Variants in NDUFA8 observed in about 807,000 individuals in gnomAD.
The protein encoded by NDUFA8 is NADH:ubiquinone oxidoreductase subunit A8, also known as NADH dehydrogenase [ubiquinone] 1 alpha subcomplex subunit 8.
In NDUFA8, 16 loss-of-function variants were observed where a neutral mutation model predicts 20.9. The observed-to-expected ratio is 0.77, with a 90% confidence interval of 0.52 to 1.16. The LOEUF (loss-of-function observed/expected upper bound fraction) is 1.16. Among genes scored for constraint, NDUFA8 ranks in the 50% most tolerant of loss-of-function variants. NDUFA8 has a pLI of 0.00. For missense variants in NDUFA8, 202 were observed against 216.4 expected, an observed-to-expected ratio of 0.93 and a Z score of 0.42; for synonymous variants, 70 against 76.1, an observed-to-expected ratio of 0.92 and a Z score of 0.41.
At position 122,144,062 on chromosome 9, in the gene NDUFA8, C is replaced by G; in HGVS notation, c.*179G>C. 1.4e-6 allele frequency: 2 copies of G among 1,460,310 alleles called. No individual in the cohort carries two copies. The highest frequency in any genetic ancestry group is 2.9e-5 in the South Asian group (2 of 69,932). 90.5% of individuals were successfully genotyped at this position (1,460,310 alleles called of 1,614,324 possible). A position where few individuals can be genotyped will look rare whatever the true frequency, so the allele number is the denominator to read the frequency against. On this transcript the variant is annotated 3_prime_UTR_variant, in exon 4 of 4. Transcript: ENST00000373768. ...AAACATAATAAAATACAACCGTTTCCTTTAAAAATTTTAATGGACAGGAAA... is the reference window on the plus strand; with the variant it reads ...AAACATAATAAAATACAACCGTTTCGTTTAAAAATTTTAATGGACAGGAAA...
chr9:122,152,145 TG>T (rs1829009302), intron 2 of NDUFA8, 99 bp downstream of exon 2: 1 of 1,349,114 alleles, frequency 7.4e-7, no homozygotes, highest in Admixed American at 1.7e-5. Context: ...TCAAAGCCTA[TG>T]TACTTCCTAA....
Position 122,144,149 on chromosome 9 carries a change from A to G in NDUFA8, c.*92T>C, listed in dbSNP as rs1163087271. 6.2e-7 allele frequency: 1 copy of G among 1,604,744 alleles called. No homozygotes were observed. The highest frequency in any genetic ancestry group is 1.3e-5 in the African/African-American group (1 of 74,656). On this transcript the variant is annotated 3_prime_UTR_variant, in exon 4 of 4. Transcript: ENST00000373768. ...TTTTTGTTAATGTTTGTGATCCCGG[A>G]AAGAACACACTATCAGTCGATGCAA... is the stretch of plus-strand genomic sequence containing the variant.
intron 3 of NDUFA8, among the ~76,000 whole-genome samples, chr9:122,146,257 A>G (rs2118698115): frequency 6.6e-6 from 1 of 152,268 alleles, no homozygotes; most frequent in Non-Finnish European, 1.5e-5. Flanking sequence ...GAGCCATGGC[A>G]CCTGATCGAG....
chr9:122,150,328 G>A (rs994797414), intron 2 of NDUFA8, among the ~76,000 whole-genome samples: 4 of 148,664 alleles, frequency 2.7e-5, no homozygotes, highest in South Asian at 2.1e-4. Context: ...GGAGAATGGC[G>A]CGAACCCGGG....
chr9:122,144,027 A>G (rs1828860549), downstream of NDUFA8: 3 of 1,387,918 alleles, frequency 2.2e-6, no homozygotes, highest in Admixed American at 5.8e-5. Context: ...AAAGGCCAAA[A>G]GGTCACATAA....
At chr9:122,145,283 G>A (rs186661558) in intron 3 of NDUFA8, among the ~76,000 whole-genome samples, 65 of 152,320 alleles carry the variant, frequency 4.3e-4, no homozygotes, top group Non-Finnish European at 8.8e-4. Flanking sequence ...CCCAAATTGG[G>A]GAGCTGAGCC....
chr9:122,142,720 T>C (rs1434643215), downstream of NDUFA8, among the ~76,000 whole-genome samples: 1 of 152,164 alleles, frequency 6.6e-6, no homozygotes, highest in Non-Finnish European at 1.5e-5. Context: ...GTGAAACATG[T>C]AAAGCACTTA....
chr9:122,154,831 T>G lies in NDUFA8; in HGVS notation c.52-2423A>C, dbSNP rs758091750. 2.6e-5 allele frequency among the ~76,000 whole-genome samples: 4 copies of G among 152,214 alleles called. No homozygotes were observed. The East Asian group carries it at 5.8e-4, about 22-fold the overall frequency. On this transcript the variant is annotated intron_variant, in intron 1 of 3. Transcript: ENST00000373768. The stretch of plus-strand genomic sequence containing the variant: ...TTGGATATTCCTTGTTAAGAAAGCT[T>G]CTTTCTAATTCTAATTAGTTTTGCT...
intron 2 of NDUFA8, 123 bp from the exon 3 acceptor site, chr9:122,148,400 T>TA: frequency 4.6e-6 from 5 of 1,080,020 alleles, no homozygotes; most frequent in Non-Finnish European, 7.0e-6. Flanking sequence ...TGTGAGTACA[T>TA]ATTCTTATCT....
intron 3 of NDUFA8, among the ~76,000 whole-genome samples, chr9:122,146,156 A>G (rs1828902112): frequency 4.6e-5 from 7 of 152,086 alleles, no homozygotes; most frequent in Admixed American, 4.6e-4. Flanking sequence ...AAAAAGAAAA[A>G]CAAAAAAAAT....
intron 1 of NDUFA8, 58 bp from the exon 2 acceptor site, chr9:122,152,466 C>CA: frequency 6.4e-7 from 1 of 1,554,656 alleles, no homozygotes; most frequent in Non-Finnish European, 8.9e-7. Flanking sequence ...ACCACTTTCT[C>CA]AGCTTTACCT....
At chr9:122,150,266 T>G (rs563685095) in intron 2 of NDUFA8, among the ~76,000 whole-genome samples, 14 of 151,850 alleles carry the variant, frequency 9.2e-5, no homozygotes, top group Admixed American at 6.6e-4. Flanking sequence ...AAAAATTAGC[T>G]GGGCGTGGTA....
intron 1 of NDUFA8, among the ~76,000 whole-genome samples, chr9:122,159,082 T>G (rs1483785017): frequency 1.3e-5 from 2 of 152,136 alleles, no homozygotes; most frequent in Non-Finnish European, 2.9e-5. Flanking sequence ...ATTACTGAAA[T>G]GATATCTCTT....
At chr9:122,150,742 A>G (rs1304594150) in intron 2 of NDUFA8, among the ~76,000 whole-genome samples, 1 of 151,978 alleles carries the variant, frequency 6.6e-6, no homozygotes, top group African/African-American at 2.4e-5. Context: ...GGCCAAGGAG[A>G]GCGGATCACT....
At chr9:122,140,502 G>A (rs1828803972), downstream of NDUFA8, among the ~76,000 whole-genome samples, 1 of 152,166 alleles carries the variant, frequency 6.6e-6, no homozygotes, top group Non-Finnish European at 1.5e-5. Flanking sequence ...TTTGTTTGTG[G>A]TTTTACAGCA....
At chr9:122,153,332 C>T (rs1016986871) in intron 1 of NDUFA8, among the ~76,000 whole-genome samples, 8 of 145,670 alleles carry the variant, frequency 5.5e-5, no homozygotes, top group Non-Finnish European at 1.0e-4. Context: ...CAGAGGACTA[C>T]GGAGTCACAG....
chr9:122,138,407 C>T, the NDUFA8 span, among the ~76,000 whole-genome samples: 27 of 152,326 alleles, frequency 1.8e-4, no homozygotes, highest in Middle Eastern at 3.4e-3. Flanking sequence ...GACTGTGACA[C>T]GGATTTCTGG....
intron 2 of NDUFA8, among the ~76,000 whole-genome samples, chr9:122,149,416 T>C (rs190440953): frequency 1.3e-5 from 2 of 152,230 alleles, no homozygotes; most frequent in Admixed American, 1.3e-4. Context: ...GGGAGTTTTA[T>C]ATTCCTCCAA....
chr9:122,150,304 G>A (rs1379767669), intron 2 of NDUFA8, among the ~76,000 whole-genome samples: 4 of 151,382 alleles, frequency 2.6e-5, no homozygotes, highest in Non-Finnish European at 5.9e-5. Flanking sequence ...CTAGCTACTC[G>A]GGAGGCTGAG....
Sources: gnomAD v4.1 joint callset for allele counts (sites outside exome capture counted in the v4.1 genomes callset) on GRCh38, gnomAD v4.1.1 for gene constraint, MANE v1.5 for transcripts, NCBI Gene and HGNC (gene_info 2026-07-23, HGNC 2026-07-21) for gene names.